The following FAM3B variants were observed in gnomAD, a reference collection of about 807,000 sequenced individuals.
FAM3B encodes the protein protein FAM3B.
Under a neutral mutation model 28.4 loss-of-function variants are expected in FAM3B, and 29 were observed. That is an observed-to-expected ratio of 1.02 (90% CI 0.76 to 1.39). The LOEUF (loss-of-function observed/expected upper bound fraction) is 1.39, where lower values mean the gene tolerates loss of function less well. FAM3B is among the 40% of genes most tolerant of loss of function. The probability of loss-of-function intolerance (pLI) is 0.00; values close to 1 mark genes in which losing one functional copy is unlikely to be tolerated. For missense variants in FAM3B, 266 were observed against 293.9 expected (o/e 0.91, Z 0.69); for synonymous variants, 91 against 103.0 (o/e 0.88, Z 0.71).
Position 41,323,159 on chromosome 21 carries a change from C to G in FAM3B, c.163+93C>G. On this transcript the variant is annotated intron_variant, in intron 2 of 7. Coordinates refer to ENST00000357985, the MANE Select transcript of FAM3B (RefSeq NM_058186.4). ...CTGTCCCAGCTGGAGGCTGGGGGGC[C>G]CTGACGGCTTTATATCAGGAAGGAG... The G allele has an allele frequency of 5.2e-6, 8 of 1,525,370 alleles. No homozygotes were observed. In the East Asian group the frequency reaches 1.4e-4, roughly 26 times the overall value. The allele number at this position is 1,525,370 out of a possible 1,614,324, so 94.5% of individuals were successfully genotyped here.
intron 2 of FAM3B, among the ~76,000 whole-genome samples, chr21:41,324,868 G>T (rs974402818): frequency 6.6e-6 from 1 of 152,160 alleles, no homozygotes; most frequent in Non-Finnish European, 1.5e-5. Flanking sequence ...TTGGGAGGCC[G>T]AGGCGGGCAC....
Position 41,357,128 on chromosome 21 carries a change from GAAC to G in FAM3B, c.644_646del (p.Asn215del), listed in dbSNP as rs781158283. On this transcript the variant is annotated inframe_deletion, in exon 8 of 8. Coordinates refer to ENST00000357985, the MANE Select transcript of FAM3B (RefSeq NM_058186.4). ...CACAGATCAACCACTCTGATGCTAAGAACAACAGATATTCTGGCTGGCCTGCAG... is the reference window on the plus strand; with the variant it reads ...CACAGATCAACCACTCTGATGCTAAGAACAGATATTCTGGCTGGCCTGCAG... 9 of 1,612,856 alleles carry G rather than the reference GAAC, an allele frequency of 5.6e-6. No individual in the cohort carries two copies. The highest frequency in any genetic ancestry group is 7.6e-6 in the Non-Finnish European group (9 of 1,179,358).
At chr21:41,322,397 G>C (rs897393696) in intron 1 of FAM3B, among the ~76,000 whole-genome samples, 1 of 152,122 alleles carries the variant, frequency 6.6e-6, no homozygotes. Flanking sequence ...CCAGTATTAC[G>C]GGGCCAGGCC....
intron 1 of FAM3B, among the ~76,000 whole-genome samples, chr21:41,307,177 G>A (rs993758248): frequency 1.3e-5 from 2 of 152,230 alleles, no homozygotes; most frequent in Admixed American, 6.5e-5. Context: ...TTCTGCATCA[G>A]CACTTGCTGC....
intron 2 of FAM3B, among the ~76,000 whole-genome samples, chr21:41,324,264 A>T (rs2088836292): frequency 6.6e-6 from 1 of 152,206 alleles, no homozygotes; most frequent in Non-Finnish European, 1.5e-5. Context: ...AGTATTTCAA[A>T]ATCAAGAGAT....
chr21:41,338,400 A>G lies in FAM3B; in HGVS notation c.186A>G (p.Lys62=). 6.2e-7 allele frequency: 1 copy of G among 1,614,192 alleles called. No homozygotes were observed. Among genetic ancestry groups the G allele is most frequent in the Non-Finnish European group, 8.5e-7 (1 of 1,180,028 alleles). ...VLKAPVPKRQ[K]CDHWTPCPSD... ...CAGCTCCAGTCCCCAAAAGGCAAAA[A>G]TGTGACCACTGGACTCCCTGCCCAT... is the stretch of plus-strand genomic sequence containing the variant. The change falls in exon 3 of 8, where the codon AAA becomes AAG. Residue 62 remains lysine (K), a synonymous_variant. Transcript: ENST00000357985.
In FAM3B at chr21:41,323,012, CT is replaced by C; in HGVS notation, c.110del (p.Leu37ArgfsTer73). 1 of 1,610,086 alleles carries C rather than the reference CT, an allele frequency of 6.2e-7. No homozygotes were observed. Among genetic ancestry groups the C allele is most frequent in the Non-Finnish European group, 8.5e-7 (1 of 1,180,020 alleles). ...CGCAGAGCTCATTCCAGATGCACCC[CT>C]GTCCAGTGCTGCCTATAGCATCCGC... ...LLAELIPDAPLSSAAYSIRSI... is the reference protein window; with the variant it reads ...LLAELIPDAPXSSAAYSIRSI... On this transcript the variant is annotated frameshift_variant, in exon 2 of 8. Transcript: ENST00000357985. LOFTEE classifies it high-confidence loss of function.
At chr21:41,327,536 A>G (rs2088864683) in intron 2 of FAM3B, among the ~76,000 whole-genome samples, 1 of 152,102 alleles carries the variant, frequency 6.6e-6, no homozygotes. Context: ...GTCTTAAGAT[A>G]TTTTTTAATT....
intron 2 of FAM3B, among the ~76,000 whole-genome samples, chr21:41,330,626 A>G (rs1357767505): frequency 6.6e-6 from 1 of 152,120 alleles, no homozygotes; most frequent in Non-Finnish European, 1.5e-5. Context: ...TCCTCTCACC[A>G]TCCTGCTCTT....
intron 2 of FAM3B, 148 bp downstream of exon 2, chr21:41,323,214 T>G (rs1233802104): frequency 6.4e-6 from 7 of 1,095,544 alleles, no homozygotes; most frequent in Non-Finnish European, 9.1e-6. Context: ...AGTTACTCAT[T>G]TAGGTCCCAC....
At chr21:41,305,498 A>AG (rs1468704103) in intron 1 of FAM3B, among the ~76,000 whole-genome samples, 1 of 152,074 alleles carries the variant, frequency 6.6e-6, no homozygotes, top group Non-Finnish European at 1.5e-5. Context: ...TTTGTGCTTA[A>AG]GAAAAAAAAA....
rs146498274 is a variant in FAM3B at position 41,338,350 on chromosome 21, T to C, written c.164-28T>C. On this transcript the variant is annotated intron_variant, in intron 2 of 7. Coordinates refer to ENST00000357985, the MANE Select transcript of FAM3B (RefSeq NM_058186.4). The stretch of plus-strand genomic sequence containing the variant: ...TCTGTAAATTACTGTGGGATGTTAA[T>C]GGCTATATACTTTCTTATTCATTAC... 23 of 1,612,384 alleles carry C rather than the reference T, an allele frequency of 1.4e-5. No homozygotes were observed. In the East Asian group the frequency reaches 4.5e-4, roughly 31 times the overall value.
rs116745020 is a variant in FAM3B at position 41,311,134 on chromosome 21, C to T, written n.99+6824C>T. 4.0e-3 allele frequency among the ~76,000 whole-genome samples: 595 copies of T among 148,812 alleles called. 7 individuals carry two copies. Among genetic ancestry groups the T allele is most frequent in the African/African-American group, 0.014 (552 of 40,468 alleles). On this transcript the variant is annotated intron_variant and non_coding_transcript_variant, in intron 1 of 9. Transcript: ENST00000479810. ...GACCCCTTTATACACTTAAAAGTGA[C>T]GGAGGAGCCCCAGGAGCTTTTGTTT...
At chr21:41,324,912 G>A (rs1381204983) in intron 2 of FAM3B, among the ~76,000 whole-genome samples, 2 of 152,108 alleles carry the variant, frequency 1.3e-5, no homozygotes, top group African/African-American at 4.8e-5. Flanking sequence ...GACCAGCTTG[G>A]CCAACGTGGT....
Position 41,322,924 on chromosome 21 carries a change from C to T in FAM3B, c.21C>T (p.Gly7=), listed in dbSNP as rs761384507. MRPLAG[G]LLKVVFVVFA... Reference sequence around the variant, plus strand: ...AGCTGCTTGGTGTCCTCTCTGCAGGCCTGCTCAAGGTGGTGTTCGTGGTCT... The same window carrying T: ...AGCTGCTTGGTGTCCTCTCTGCAGGTCTGCTCAAGGTGGTGTTCGTGGTCT... Residue 7 remains glycine, a splice_region_variant and synonymous_variant, in exon 2 of 8, where the codon GGC becomes GGT. Coordinates refer to ENST00000357985, the MANE Select transcript of FAM3B (RefSeq NM_058186.4). The T allele has an allele frequency of 7.4e-6, 12 of 1,614,066 alleles. No homozygotes were observed. The highest frequency in any genetic ancestry group is 1.0e-5 in the Non-Finnish European group (12 of 1,180,034).
At chr21:41,316,695 C>A, upstream of FAM3B, 1 of 448,834 alleles carries the variant, frequency 2.2e-6, no homozygotes. Context: ...CTGCCCCGCC[C>A]ACGCCCGCCC....
chr21:41,352,830 A>G (rs2145834773), intron 7 of FAM3B, among the ~76,000 whole-genome samples: 1 of 152,294 alleles, frequency 6.6e-6, no homozygotes, highest in Admixed American at 6.5e-5. Flanking sequence ...TAAATAAAGG[A>G]AGAAGTAAAA....
chr21:41,321,233 C>A (rs1322512405), intron 1 of FAM3B, among the ~76,000 whole-genome samples: 1 of 152,202 alleles, frequency 6.6e-6, no homozygotes, highest in East Asian at 1.9e-4. Context: ...ACAGAATTTT[C>A]TGGAAAATCA....
intron 2 of FAM3B, among the ~76,000 whole-genome samples, chr21:41,330,929 A>C (rs2088901425): frequency 6.6e-6 from 1 of 152,082 alleles, no homozygotes; most frequent in Non-Finnish European, 1.5e-5. Context: ...TCTTTGACAT[A>C]CTGATTTCAT....
Sources: allele counts gnomAD v4.1 joint callset (sites outside exome capture counted in the v4.1 genomes callset), GRCh38; gene constraint gnomAD v4.1.1; transcripts MANE v1.5; gene names NCBI Gene and HGNC (gene_info 2026-07-23, HGNC 2026-07-21).